The following DIAPH3 variants were observed in gnomAD, a reference collection of about 807,000 sequenced individuals.
DIAPH3 encodes diaphanous related formin 3.
A neutral mutation model predicts 144.3 loss-of-function variants in DIAPH3; 117 were observed. The ratio of observed to expected loss-of-function variants is 0.81; its 90% confidence interval spans 0.70 to 0.95. The LOEUF (loss-of-function observed/expected upper bound fraction) is 0.95. Ranked by LOEUF, DIAPH3 falls within the 40% of genes least tolerant of loss-of-function variation. The probability of loss-of-function intolerance (pLI) is 0.00; values close to 1 mark genes in which losing one functional copy is unlikely to be tolerated. For synonymous variants in DIAPH3, 519 were observed against 488.9 expected, an observed-to-expected ratio of 1.06 and a Z score of -0.81; for missense variants, 1,421 against 1,412.7, an observed-to-expected ratio of 1.01 and a Z score of -0.09.
intron 17 of DIAPH3, among the ~76,000 whole-genome samples, chr13:59,946,254 T>C (rs2048791286): frequency 6.6e-6 from 1 of 152,200 alleles, no homozygotes; most frequent in South Asian, 2.1e-4. Context: ...ATTGTGTTCC[T>C]ATTATATTGT....
At chr13:59,785,053 G>C (rs779969384) in intron 25 of DIAPH3, among the ~76,000 whole-genome samples, 3 of 152,142 alleles carry the variant, frequency 2.0e-5, no homozygotes, top group Non-Finnish European at 2.9e-5. Flanking sequence ...CAAAGTCTTT[G>C]AACTTGTCTT....
At chr13:60,071,715 ACTT>A (rs2057214308) in intron 4 of DIAPH3, among the ~76,000 whole-genome samples, 2 of 152,156 alleles carry the variant, frequency 1.3e-5, no homozygotes, top group South Asian at 2.1e-4. Context: ...ACTGGTTCAA[ACTT>A]CTTCTTTGTC....
intron 2 of DIAPH3, among the ~76,000 whole-genome samples, chr13:60,117,097 T>C (rs957113861): frequency 2.6e-5 from 4 of 152,080 alleles, no homozygotes; most frequent in African/African-American, 9.6e-5. Flanking sequence ...AGTAAAACTG[T>C]ACTTGTATCA....
chr13:59,865,451 TA>T (rs2043861219), intron 21 of DIAPH3, among the ~76,000 whole-genome samples: 1 of 152,058 alleles, frequency 6.6e-6, no homozygotes, highest in African/African-American at 2.4e-5. Context: ...ATCTTCAGGT[TA>T]AAAGTATGCT....
At chr13:60,081,311 T>G (rs546005326) in intron 4 of DIAPH3, among the ~76,000 whole-genome samples, 15 of 152,060 alleles carry the variant, frequency 9.9e-5, no homozygotes, top group African/African-American at 3.6e-4. Context: ...CATGGACCAT[T>G]AAGAGGTTTA....
At chr13:59,862,103 AATACAAAAGTGC>A (rs2043629476) in intron 21 of DIAPH3, among the ~76,000 whole-genome samples, 2 of 152,172 alleles carry the variant, frequency 1.3e-5, no homozygotes, top group South Asian at 2.1e-4. Context: ...AGAAAGAAAA[AATACAAAAGTGC>A]ATTAACACAG....
At chr13:59,755,745 T>C (rs747215875) in intron 27 of DIAPH3, among the ~76,000 whole-genome samples, 1 of 152,100 alleles carries the variant, frequency 6.6e-6, no homozygotes, top group Non-Finnish European at 1.5e-5. Context: ...TAAATCAGAA[T>C]GTGTGGAGCT....
chr13:59,831,655 A>C (rs574447531), intron 24 of DIAPH3, among the ~76,000 whole-genome samples: 2 of 151,828 alleles, frequency 1.3e-5, no homozygotes, highest in Admixed American at 1.3e-4. Flanking sequence ...ACAGGTGTTC[A>C]ACATAAATCA....
chr13:59,798,258 T>C, intron 25 of DIAPH3, among the ~76,000 whole-genome samples: 1 of 152,208 alleles, frequency 6.6e-6, no homozygotes, highest in African/African-American at 2.4e-5. Context: ...CTCTGATCCA[T>C]CTGCGTTTTT....
At chr13:59,908,449 T>C (rs1161315590) in intron 20 of DIAPH3, among the ~76,000 whole-genome samples, 1 of 150,900 alleles carries the variant, frequency 6.6e-6, no homozygotes, top group Non-Finnish European at 1.5e-5. Context: ...TGACCTTAAT[T>C]GACATTGGTT....
At chr13:59,840,087 T>A (rs561436442) in intron 22 of DIAPH3, among the ~76,000 whole-genome samples, 1 of 152,130 alleles carries the variant, frequency 6.6e-6, no homozygotes, top group Non-Finnish European at 1.5e-5. Context: ...GAGAATATAC[T>A]AGCCACCCAG....
At chr13:60,036,364 T>A (rs1472512061) in intron 5 of DIAPH3, among the ~76,000 whole-genome samples, 3 of 151,954 alleles carry the variant, frequency 2.0e-5, no homozygotes, top group African/African-American at 2.4e-5. Context: ...ATATATATAT[T>A]GTCCAAAATG....
chr13:59,756,980 A>G lies in DIAPH3; in HGVS notation c.3319+17209T>C, dbSNP rs145796567. Among the ~76,000 whole-genome samples, 1,042 of 152,342 alleles carry G rather than the reference A, an allele frequency of 6.8e-3. 12 individuals carry two copies. The highest frequency in any genetic ancestry group is 0.022 in the African/African-American group (933 of 41,580). On this transcript the variant is annotated intron_variant, in intron 27 of 27. Coordinates refer to ENST00000400324, the MANE Select transcript of DIAPH3 (RefSeq NM_001042517.2). ...TTTCTGATTTTTCCTTAAGGATGAC[A>G]TAGTTTGCTAAGAAATACTGAGAAG...
chr13:60,120,492 C>T (rs1471380045), intron 2 of DIAPH3, among the ~76,000 whole-genome samples: 4 of 152,158 alleles, frequency 2.6e-5, no homozygotes, highest in South Asian at 2.1e-4. Context: ...TTTGAAAAGA[C>T]GAAAACTTAC....
intron 25 of DIAPH3, among the ~76,000 whole-genome samples, chr13:59,809,836 C>T (rs1175884281): frequency 6.6e-6 from 1 of 152,080 alleles, no homozygotes; most frequent in African/African-American, 2.4e-5. Context: ...CTGGGGAAAC[C>T]TTAGGTGAAT....
intron 25 of DIAPH3, among the ~76,000 whole-genome samples, chr13:59,791,888 A>G (rs755813088): frequency 1.3e-5 from 2 of 152,176 alleles, no homozygotes; most frequent in Non-Finnish European, 2.9e-5. Flanking sequence ...AATTACTTCA[A>G]TCTGCCATGG....
intron 3 of DIAPH3, among the ~76,000 whole-genome samples, chr13:60,097,014 T>C (rs1284501636): frequency 6.6e-6 from 1 of 152,154 alleles, no homozygotes; most frequent in African/African-American, 2.4e-5. Context: ...ATCCTATTGG[T>C]TCTGTTTCTC....
chr13:59,819,418 T>C (rs1379758049), intron 24 of DIAPH3, among the ~76,000 whole-genome samples: 2 of 151,842 alleles, frequency 1.3e-5, no homozygotes, highest in Admixed American at 6.6e-5. Flanking sequence ...AAATAGTTTG[T>C]TGTATTTTGG....
chr13:59,974,603 G>C, intron 14 of DIAPH3, 147 bp from the exon 15 acceptor site: 1 of 750,140 alleles, frequency 1.3e-6, no homozygotes, highest in Non-Finnish European at 2.2e-6. Flanking sequence ...GTTTTGAAAA[G>C]TCACTTACAG....
Sources: gnomAD v4.1 joint callset for allele counts (sites outside exome capture counted in the v4.1 genomes callset) on GRCh38, gnomAD v4.1.1 for gene constraint, MANE v1.5 for transcripts, NCBI Gene and HGNC (gene_info 2026-07-23, HGNC 2026-07-21) for gene names.